FRAS1: variants seen among roughly 807,000 people sequenced by gnomAD.
The protein encoded by FRAS1 is Fraser extracellular matrix complex subunit 1, also known as extracellular matrix organizing protein FRAS1.
Under a neutral mutation model 435.2 loss-of-function variants are expected in FRAS1, and 290 were observed. The ratio of observed to expected loss-of-function variants is 0.67; its 90% CI spans 0.61 to 0.73. The LOEUF (loss-of-function observed/expected upper bound fraction) is 0.73. Among genes scored for constraint, FRAS1 ranks in the 30% least tolerant of loss-of-function variants. FRAS1 has a pLI of 0.00. For synonymous variants in FRAS1, 1,800 were observed against 1,851.0 expected, an observed-to-expected ratio of 0.97 and a Z score of 0.71; for missense variants, 4,860 against 5,001.5, an observed-to-expected ratio of 0.97 and a Z score of 0.85.
rs533171050 is a variant in FRAS1 at position 78,155,629 on chromosome 4, G to T, written c.109-81881G>T. On this transcript the variant is annotated intron_variant, in intron 2 of 73. Coordinates refer to ENST00000512123, the MANE Select transcript of FRAS1 (RefSeq NM_025074.7). ...TAGGAGCTTATTTATAACCCCCTGC[G>T]AGGAGCAGGCAGTAAGGAAGAAAGC... Among the ~76,000 whole-genome samples, 5 of 152,288 alleles carry T rather than the reference G, an allele frequency of 3.3e-5. No homozygotes were observed. The South Asian group carries it at 1.0e-3, about 32-fold the overall frequency.
chr4:78,263,840 C>T (rs1160031578), intron 6 of FRAS1, among the ~76,000 whole-genome samples: 1 of 152,102 alleles, frequency 6.6e-6, no homozygotes, highest in Non-Finnish European at 1.5e-5. Context: ...TGAAATAAAT[C>T]CCAGTTAGGT....
chr4:78,498,421 G>A (rs114113030), intron 60 of FRAS1, among the ~76,000 whole-genome samples: 3,225 of 151,752 alleles, frequency 0.021, 59 homozygotes, highest in Non-Finnish European at 0.032. Flanking sequence ...TAGGAGAATC[G>A]CTCAAACCCA....
Position 78,489,076 on chromosome 4 carries a change from A to G in FRAS1, c.8954A>G (p.Asp2985Gly), listed in dbSNP as rs868780494. The G allele has an allele frequency of 1.9e-6, 3 of 1,611,470 alleles. No individual in the cohort carries two copies. Among genetic ancestry groups the G allele is most frequent in the Middle Eastern group, 3.3e-4 (2 of 6,044 alleles). ...TCACGGATTACATTTCTCAAAGGGGACAAAGTAAGTGGATTGGTGGTGGCT... is the reference window on the plus strand; with the variant it reads ...TCACGGATTACATTTCTCAAAGGGGGCAAAGTAAGTGGATTGGTGGTGGCT... ...DSSRITFLKG[D>G]KVKNCTVYIH... The change falls in exon 59 of 74, where the codon GAC becomes GGC. Residue 2985 changes from aspartate (D) to glycine (G), a missense_variant. Transcript: ENST00000512123.
chr4:78,114,801 C>A (rs1186376371), intron 2 of FRAS1, among the ~76,000 whole-genome samples: 2 of 152,236 alleles, frequency 1.3e-5, no homozygotes, highest in African/African-American at 4.8e-5. Context: ...TCCTCTTTTC[C>A]TAATTGAAAA....
chr4:78,218,181 G>T (rs1723885549), intron 2 of FRAS1, among the ~76,000 whole-genome samples: 1 of 140,614 alleles, frequency 7.1e-6, no homozygotes, highest in Non-Finnish European at 1.5e-5. Context: ...TGATAATTCT[G>T]TCCATCCTGG....
intron 4 of FRAS1, among the ~76,000 whole-genome samples, chr4:78,246,292 A>G (rs1045996414): frequency 5.3e-5 from 8 of 152,192 alleles, no homozygotes; most frequent in African/African-American, 1.9e-4. Flanking sequence ...GAGAGAGCAT[A>G]GGTTAGTAGG....
At chr4:78,449,637 C>G (rs1718959133) in intron 44 of FRAS1, among the ~76,000 whole-genome samples, 1 of 152,188 alleles carries the variant, frequency 6.6e-6, no homozygotes, top group Non-Finnish European at 1.5e-5. Context: ...GTCCAGGGCC[C>G]AGAGGCTCAG....
intron 69 of FRAS1, among the ~76,000 whole-genome samples, chr4:78,525,114 G>T (rs1358768369): frequency 6.6e-6 from 1 of 152,196 alleles, no homozygotes; most frequent in Non-Finnish European, 1.5e-5. Flanking sequence ...AGTGGGAGTA[G>T]GGCCATGGGA....
intron 2 of FRAS1, among the ~76,000 whole-genome samples, chr4:78,215,745 A>T (rs558149368): frequency 6.6e-6 from 1 of 152,280 alleles, no homozygotes; most frequent in East Asian, 1.9e-4. Context: ...ACTCAGCTTA[A>T]TATCCTCAAG....
chr4:78,416,455 G>A (rs543609022), intron 32 of FRAS1, among the ~76,000 whole-genome samples: 1 of 151,852 alleles, frequency 6.6e-6, no homozygotes, highest in Non-Finnish European at 1.5e-5. Context: ...AAAAAAAAAA[G>A]AGGGATACAT....
At chr4:78,137,528 T>C (rs1434221674) in intron 2 of FRAS1, among the ~76,000 whole-genome samples, 1 of 152,258 alleles carries the variant, frequency 6.6e-6, no homozygotes, top group Non-Finnish European at 1.5e-5. Context: ...ATTATTCATT[T>C]ATGAATGATA....
chr4:78,392,775 G>GAT (rs1175529979), intron 29 of FRAS1, among the ~76,000 whole-genome samples: 7 of 151,522 alleles, frequency 4.6e-5, no homozygotes, highest in Non-Finnish European at 1.0e-4. Context: ...AACTGGCAGG[G>GAT]ATATATACAT....
At chr4:78,475,258 C>T (rs181400888) in intron 53 of FRAS1, among the ~76,000 whole-genome samples, 180 bp from the exon 54 acceptor site, 54 of 152,328 alleles carry the variant, frequency 3.5e-4, no homozygotes, top group Admixed American at 3.0e-3. Context: ...TTGTTTCGTG[C>T]TCTGATTGTT....
chr4:78,385,256 A>G (rs1406963498), intron 28 of FRAS1, among the ~76,000 whole-genome samples: 2 of 152,222 alleles, frequency 1.3e-5, no homozygotes, highest in African/African-American at 4.8e-5. Context: ...GTATATTCAT[A>G]TGTTATGAAA....
At chr4:78,133,252 A>G (rs1444044866) in intron 2 of FRAS1, among the ~76,000 whole-genome samples, 1 of 152,208 alleles carries the variant, frequency 6.6e-6, no homozygotes, top group Non-Finnish European at 1.5e-5. Context: ...TGCGGTGTAA[A>G]ATAATCTAGG....
intron 20 of FRAS1, among the ~76,000 whole-genome samples, chr4:78,358,760 G>A (rs978390713): frequency 6.6e-6 from 1 of 152,128 alleles, no homozygotes; most frequent in African/African-American, 2.4e-5. Context: ...TAAAAATGGA[G>A]ACAAATTATA....
At chr4:78,526,454 C>G (rs1275635733) in intron 69 of FRAS1, 87 bp from the exon 70 acceptor site, 2 of 789,412 alleles carry the variant, frequency 2.5e-6, no homozygotes, top group Non-Finnish European at 4.2e-6. Context: ...CACCTGAAAA[C>G]TGTTTAGTGA....
rs929220299 is a variant in FRAS1 at position 78,543,276 on chromosome 4, A to T, written c.*2152A>T. 1 of 152,226 alleles carries T rather than the reference A, an allele frequency of 6.6e-6. No individual in the cohort carries two copies. The highest frequency in any genetic ancestry group is 1.5e-5 in the Non-Finnish European group (1 of 68,066). The allele number at this position is 152,226 out of a possible 1,614,324, so 9.4% of individuals were successfully genotyped here. A position where few individuals can be genotyped will look rare whatever the true frequency, so the allele number is the denominator to read the frequency against. On this transcript the variant is annotated 3_prime_UTR_variant, in exon 74 of 74. Transcript: ENST00000512123. ...AGAGTGAATGCTAATTTGTAGAGCG[A>T]ACTTCCATTTGGCCCATTATTTGTA...
In FRAS1 at chr4:78,155,459, GA is replaced by G. The variant is rs760340179; in HGVS notation, c.109-82048del. Among the ~76,000 whole-genome samples, 7 of 152,228 alleles carry G rather than the reference GA, an allele frequency of 4.6e-5. No individual in the cohort carries two copies. The East Asian group carries it at 7.7e-4, about 17-fold the overall frequency. On this transcript the variant is annotated intron_variant, in intron 2 of 73. Transcript: ENST00000512123. ...AATTGTGCTGAAATGGGAAGGAAAGGAAACAAAATCTAAAGGGAGAGAAACA... is the reference window on the plus strand; with the variant it reads ...AATTGTGCTGAAATGGGAAGGAAAGGAACAAAATCTAAAGGGAGAGAAACA...
Sources: allele counts gnomAD v4.1 joint callset (sites outside exome capture counted in the v4.1 genomes callset), GRCh38; gene constraint gnomAD v4.1.1; transcripts MANE v1.5; gene names NCBI Gene and HGNC (gene_info 2026-07-23, HGNC 2026-07-21).